The following HSF2BP variants were observed in gnomAD, a reference collection of about 807,000 sequenced individuals.
HSF2BP encodes the protein heat shock factor 2-binding protein.
HSF2BP carries 35 observed loss-of-function variants against 35.0 expected under a neutral mutation model. The ratio of observed to expected loss-of-function variants is 1.00; its 90% CI spans 0.76 to 1.32. The LOEUF is 1.32. Among genes scored for constraint, HSF2BP ranks in the 40% most tolerant of loss-of-function variants. The pLI is 0.00. For synonymous variants in HSF2BP, 114 were observed against 117.4 expected (o/e 0.97, Z 0.18); for missense variants, 326 against 321.7 (o/e 1.01, Z -0.10).
chr21:43,575,084 T>C (rs2081625901), intron 8 of HSF2BP, among the ~76,000 whole-genome samples: 1 of 152,236 alleles, frequency 6.6e-6, no homozygotes, highest in Admixed American at 6.5e-5. Context: ...TTCAGGCAGC[T>C]CCTTCATGTC....
chr21:43,650,200 T>A (rs1042761351), intron 3 of HSF2BP, among the ~76,000 whole-genome samples: 1 of 152,164 alleles, frequency 6.6e-6, no homozygotes, highest in African/African-American at 2.4e-5. Context: ...AGAACCATCA[T>A]ATACTATTAT....
intron 3 of HSF2BP, among the ~76,000 whole-genome samples, chr21:43,652,792 C>T (rs922011496): frequency 4.6e-5 from 7 of 152,142 alleles, no homozygotes; most frequent in African/African-American, 7.2e-5. Context: ...GTTAACACCA[C>T]GTTTCCTGGA....
At chr21:43,612,856 A>G (rs2082225847) in intron 7 of HSF2BP, among the ~76,000 whole-genome samples, 1 of 152,142 alleles carries the variant, frequency 6.6e-6, no homozygotes. Context: ...GGCAACACTC[A>G]GAACGAACAG....
intron 3 of HSF2BP, among the ~76,000 whole-genome samples, chr21:43,645,242 G>A (rs535973501): frequency 2.1e-4 from 32 of 152,240 alleles, no homozygotes; most frequent in Middle Eastern, 6.8e-3. Flanking sequence ...AAACTTTAGC[G>A]TACATCAGAA....
intron 4 of HSF2BP, among the ~76,000 whole-genome samples, chr21:43,642,798 T>C (rs1014135928): frequency 1.9e-4 from 3 of 16,184 alleles, no homozygotes; most frequent in Non-Finnish European, 2.8e-4. Flanking sequence ...TTCTTTTCTT[T>C]TTTTTTTTTT....
intron 2 of HSF2BP, among the ~76,000 whole-genome samples, chr21:43,657,686 C>G (rs552385888): frequency 2.0e-5 from 3 of 152,384 alleles, no homozygotes; most frequent in African/African-American, 7.2e-5. Context: ...CGATGGAGGG[C>G]AGATTCTCTC....
Position 43,658,109 on chromosome 21 carries a change from C to CT in HSF2BP, c.-14dup, listed in dbSNP as rs1403391271. ...CCGCTTCGCCCATGGCCGCTGCCGC[C>CT]TCCGCTCCGTTCGCCTGAGCGTCGG... On this transcript the variant is annotated 5_prime_UTR_variant, in exon 2 of 9. Transcript: ENST00000291560. The CT allele has an allele frequency of 6.5e-7, 1 of 1,530,118 alleles. No individual in the cohort carries two copies. The highest frequency in any genetic ancestry group is 1.4e-5 in the African/African-American group (1 of 72,720). The allele number at this position is 1,530,118 out of a possible 1,614,324, so 94.8% of individuals were successfully genotyped here. A position where few individuals can be genotyped will look rare whatever the true frequency, so the allele number is the denominator to read the frequency against.
chr21:43,646,351 T>A (rs1478473102), intron 3 of HSF2BP, among the ~76,000 whole-genome samples: 2 of 152,204 alleles, frequency 1.3e-5, no homozygotes, highest in African/African-American at 4.8e-5. Context: ...ATACTTGCAT[T>A]ATTTGTAACA....
rs80027854 is a variant in HSF2BP, at chr21:43,644,330, G to C, written c.250C>G (p.Arg84Gly). The change falls in exon 4 of 9, where the codon CGC (arginine) becomes GGC (glycine). Residue 84 changes from arginine (R) to glycine (G), a missense_variant. Transcript: ENST00000291560. ...TTGTCGGCCTGCACGGTTTCCAGGC[G>C]GGCTTTAAAGTGCTCACAATCCATT... ...LKMDCEHFKA[R>G]LETVQADNIR... 6.2e-7 allele frequency: 1 copy of C among 1,614,070 alleles called. No individual in the cohort carries two copies.
chr21:43,600,018 C>CT (rs1396448738), intron 7 of HSF2BP, among the ~76,000 whole-genome samples: 2 of 152,090 alleles, frequency 1.3e-5, no homozygotes, highest in African/African-American at 4.8e-5. Context: ...TTTAAAAGGA[C>CT]TGAAAATATG....
At chr21:43,644,157 T>C in intron 4 of HSF2BP, 132 bp downstream of exon 4, 1 of 632,848 alleles carries the variant, frequency 1.6e-6, no homozygotes, top group South Asian at 2.0e-5. Flanking sequence ...CCACTCAGAA[T>C]ACATACATTT....
intron 4 of HSF2BP, among the ~76,000 whole-genome samples, chr21:43,642,669 T>C (rs907815974): frequency 3.3e-5 from 5 of 152,308 alleles, no homozygotes; most frequent in African/African-American, 9.6e-5. Context: ...TAGGGAATAG[T>C]TGGGTAAAAT....
chr21:43,623,393 C>T (rs2082353390), intron 6 of HSF2BP, among the ~76,000 whole-genome samples: 2 of 151,590 alleles, frequency 1.3e-5, no homozygotes, highest in South Asian at 4.2e-4. Context: ...TAATGATGCA[C>T]CAAGGAAATA....
chr21:43,655,268 G>C (rs1159428706), intron 3 of HSF2BP, among the ~76,000 whole-genome samples: 1 of 152,204 alleles, frequency 6.6e-6, no homozygotes, highest in Non-Finnish European at 1.5e-5. Context: ...AAAGTTGCTG[G>C]ATGAGCATGA....
At chr21:43,620,057 A>G (rs2082314566) in intron 6 of HSF2BP, among the ~76,000 whole-genome samples, 1 of 152,248 alleles carries the variant, frequency 6.6e-6, no homozygotes, top group Non-Finnish European at 1.5e-5. Context: ...GCAGCAACCT[A>G]GCAGAAAAAA....
At chr21:43,643,933 C>T (rs910161261) in intron 4 of HSF2BP, among the ~76,000 whole-genome samples, 3 of 146,690 alleles carry the variant, frequency 2.0e-5, no homozygotes, top group South Asian at 2.1e-4. Context: ...CCAGCCTGGG[C>T]GACAGAGCAA....
At chr21:43,602,826 G>A (rs1009068842) in intron 7 of HSF2BP, among the ~76,000 whole-genome samples, 1 of 152,156 alleles carries the variant, frequency 6.6e-6, no homozygotes, top group African/African-American at 2.4e-5. Context: ...AGAACCAAGT[G>A]ACCATTCAGG....
chr21:43,607,503 G>A (rs756854400), intron 7 of HSF2BP, among the ~76,000 whole-genome samples: 1 of 152,126 alleles, frequency 6.6e-6, no homozygotes, highest in Non-Finnish European at 1.5e-5. Context: ...TCAATATCAT[G>A]AAAATGTCCA....
chr21:43,582,448 A>AGATGAGTACCTGTTGC (rs2081766226), intron 8 of HSF2BP, among the ~76,000 whole-genome samples: 1 of 113,544 alleles, frequency 8.8e-6, no homozygotes, highest in Non-Finnish European at 1.8e-5. Context: ...GTACCTGTTG[A>AGATGAGTACCTGTTGC]GGGAGATGAG....
Sources: allele counts gnomAD v4.1 joint callset (sites outside exome capture counted in the v4.1 genomes callset), GRCh38; gene constraint gnomAD v4.1.1; transcripts MANE v1.5; gene names NCBI Gene and HGNC (gene_info 2026-07-23, HGNC 2026-07-21).